The following ATR variants were observed in gnomAD, a reference collection of about 807,000 sequenced individuals.
ATR encodes serine/threonine-protein kinase ATR.
In ATR, 142 loss-of-function variants were observed where a neutral mutation model predicts 305.3. That is an observed-to-expected ratio of 0.47 (90% confidence interval 0.41 to 0.53). ATR has a LOEUF of 0.53. ATR is among the 20% of genes least tolerant of loss of function. The probability of loss-of-function intolerance (pLI) is 0.00; values close to 1 mark genes in which losing one functional copy is unlikely to be tolerated. For missense variants in ATR, 2,135 were observed against 3,133.1 expected (o/e 0.68, Z 7.60); for synonymous variants, 1,050 against 1,068.1 (o/e 0.98, Z 0.33).
chr3:142,486,109 T>C (rs1010648704), intron 35 of ATR, among the ~76,000 whole-genome samples: 4 of 152,242 alleles, frequency 2.6e-5, no homozygotes, highest in Non-Finnish European at 5.9e-5. Context: ...TAAATATTTG[T>C]GTGGTTTATT....
chr3:142,498,550 G>A (rs1321154740), intron 32 of ATR, 47 bp downstream of exon 32: 20 of 1,591,450 alleles, frequency 1.3e-5, no homozygotes, highest in Non-Finnish European at 1.5e-5. Flanking sequence ...AATCCTGTCA[G>A]GTGACATTTA....
chr3:142,505,401 TGAGAAATTTTTC>T (rs2108356820), intron 28 of ATR, 98 bp from the exon 29 acceptor site: 1 of 1,459,462 alleles, frequency 6.9e-7, no homozygotes, highest in East Asian at 2.3e-5. Context: ...AGCAATTTTT[TGAGAAATTTTTC>T]CTCAAAGTAA....
At chr3:142,536,997 T>A (rs1398776537) in intron 19 of ATR, among the ~76,000 whole-genome samples, 1 of 152,190 alleles carries the variant, frequency 6.6e-6, no homozygotes, top group Non-Finnish European at 1.5e-5. Context: ...CATTTCTAAA[T>A]CCTAGTCTTC....
rs755650081 is a variant in ATR, at chr3:142,485,272, G to A, written c.6089C>T (p.Ala2030Val). 6 of 1,613,982 alleles carry A rather than the reference G, an allele frequency of 3.7e-6. No individual in the cohort carries two copies. The highest frequency in any genetic ancestry group is 1.3e-5 in the African/African-American group (1 of 74,910). Residue 2030 changes from alanine to valine, a missense_variant, in exon 36 of 47, where the codon GCG becomes GTG. Ala to Val is a moderately conservative substitution (Grantham distance 64). Around this residue, in one of 9 missense-constraint regions of ATR, gnomAD observed 462 missense variants for 887.6 expected, o/e 0.52. Coordinates refer to ENST00000350721, the MANE Select transcript of ATR (RefSeq NM_001184.4). ...CCCATCCTCCCATTCTGGCAGGCAC[G>A]CGGTCACATCCTATAAAAAAGAACA... ...AIMKKYKDVTACLPEWEDGHF... is the reference protein window; with the variant it reads ...AIMKKYKDVTVCLPEWEDGHF...
intron 16 of ATR, among the ~76,000 whole-genome samples, chr3:142,543,834 TA>T (rs1439858563): frequency 6.6e-6 from 1 of 151,930 alleles, no homozygotes. Context: ...CTCGCCCAGC[TA>T]ATTTTTTGTA....
intron 1 of ATR, among the ~76,000 whole-genome samples, chr3:142,568,551 C>T (rs1373499899): frequency 6.6e-6 from 1 of 152,184 alleles, no homozygotes; most frequent in East Asian, 1.9e-4. Flanking sequence ...GAAGCCCCGC[C>T]CCCTTCTGAG....
At chr3:142,499,165 G>A (rs539022090) in intron 31 of ATR, 5 of 387,172 alleles carry the variant, frequency 1.3e-5, no homozygotes, top group South Asian at 1.1e-4. Flanking sequence ...ACAGGTGTGA[G>A]CCACCATGCC....
intron 26 of ATR, among the ~76,000 whole-genome samples, chr3:142,513,008 T>C (rs982492083): frequency 2.0e-5 from 3 of 152,084 alleles, no homozygotes; most frequent in African/African-American, 7.2e-5. Context: ...ATTCAATAAA[T>C]GATAATGAAA....
At chr3:142,452,461 A>G (rs9828178) in intron 46 of ATR, 541,357 of 916,922 alleles carry the variant, frequency 0.59, 162,013 homozygotes, top group African/African-American at 0.81. Flanking sequence ...GATCACTTGA[A>G]GCCAGGGGTT....
At position 142,553,681 on chromosome 3, in the gene ATR, C is replaced by T; in HGVS notation, c.2592G>A (p.Glu864=). 1 of 1,612,356 alleles carries T rather than the reference C, an allele frequency of 6.2e-7. No individual in the cohort carries two copies. ...YTHAQISRNN[E]LKDTLILTTG... ...TTGTAAGAATCAAGGTATCCTTCAG[C>T]TCATTATTTCTTGATATTTGGGCAT... The change falls in exon 12 of 47, where the codon GAG becomes GAA. Residue 864 remains glutamate (E), a synonymous_variant. Coordinates refer to ENST00000350721, the MANE Select transcript of ATR (RefSeq NM_001184.4).
intron 16 of ATR, among the ~76,000 whole-genome samples, chr3:142,544,028 C>G (rs926122135): frequency 1.3e-5 from 2 of 152,024 alleles, no homozygotes; most frequent in African/African-American, 4.8e-5. Context: ...TTTAAGTCAG[C>G]CAAATCTAGG....
intron 19 of ATR, 22 bp from the exon 20 acceptor site, chr3:142,536,223 AAGAATT>A (rs779781626): frequency 2.1e-5 from 32 of 1,492,418 alleles, no homozygotes; most frequent in Non-Finnish European, 3.0e-5. Flanking sequence ...TTGGAATAAA[AAGAATT>A]ATTTGCCAAG....
chr3:142,562,923 T>C lies in ATR; in HGVS notation c.479A>G (p.His160Arg), dbSNP rs371240700. 340 of 1,613,438 alleles carry C rather than the reference T, an allele frequency of 2.1e-4. No individual in the cohort carries two copies. The highest frequency in any genetic ancestry group is 2.8e-4 in the Non-Finnish European group (325 of 1,179,864). ...LQLFEDLVYL[H>R]RRNVMGHAVE... ...AGCATGACCCATCACATTTCTTCTATGGAGGTAAACCAAGTCTTCAAAAAG... is the reference window on the plus strand; with the variant it reads ...AGCATGACCCATCACATTTCTTCTACGGAGGTAAACCAAGTCTTCAAAAAG... The change falls in exon 4 of 47, where the codon CAT (histidine) becomes CGT (arginine). Residue 160 changes from histidine (H) to arginine (R), a missense_variant. Coordinates refer to ENST00000350721, the MANE Select transcript of ATR (RefSeq NM_001184.4).
chr3:142,549,716 G>A (rs2034406300), intron 14 of ATR, 43 bp from the exon 15 acceptor site: 1 of 1,576,688 alleles, frequency 6.3e-7, no homozygotes, highest in Non-Finnish European at 8.7e-7. Context: ...CATTTGTCTG[G>A]GTGAAAAAAA....
At chr3:142,478,513 T>C (rs963005764) in intron 36 of ATR, among the ~76,000 whole-genome samples, 8 of 152,188 alleles carry the variant, frequency 5.3e-5, no homozygotes, top group African/African-American at 1.9e-4. Context: ...CTTCCAACTA[T>C]GTGGTCAGTT....
intron 36 of ATR, among the ~76,000 whole-genome samples, chr3:142,473,941 ATT>A (rs141622968): frequency 0.061 from 7,009 of 114,912 alleles, 475 homozygotes; most frequent in African/African-American, 0.21. Flanking sequence ...AAGTTATTGG[ATT>A]TTTTTTTTTT....
chr3:142,519,417 C>T (rs1014672741), intron 24 of ATR, among the ~76,000 whole-genome samples: 9 of 151,918 alleles, frequency 5.9e-5, no homozygotes, highest in South Asian at 2.1e-4. Flanking sequence ...TTCTCCTGCC[C>T]CAGCCTCCCA....
At chr3:142,522,956 C>T (rs1646163252) in intron 22 of ATR, 115 bp from the exon 23 acceptor site, 5 of 831,320 alleles carry the variant, frequency 6.0e-6, no homozygotes, top group Non-Finnish European at 1.0e-5. Context: ...TTAACTTAGA[C>T]AAAGGAAAAG....
intron 36 of ATR, among the ~76,000 whole-genome samples, chr3:142,484,932 T>C (rs2030813185): frequency 6.6e-6 from 1 of 152,160 alleles, no homozygotes; most frequent in South Asian, 2.1e-4. Context: ...CCAAAACACA[T>C]GTCTATATCA....
Sources: allele counts gnomAD v4.1 joint callset (sites outside exome capture counted in the v4.1 genomes callset), GRCh38; gene constraint gnomAD v4.1.1; regional missense constraint gnomAD v4.1.1; transcripts MANE v1.5; gene names NCBI Gene and HGNC (gene_info 2026-07-23, HGNC 2026-07-21).